GRM1: variants seen among roughly 807,000 people sequenced by gnomAD.
The protein encoded by GRM1 is glutamate metabotropic receptor 1.
In GRM1, 33 loss-of-function variants were observed where a neutral mutation model predicts 90.9. That is an observed-to-expected ratio of 0.36 (90% confidence interval 0.28 to 0.49). The LOEUF (loss-of-function observed/expected upper bound fraction) is 0.49, where lower values mean the gene tolerates loss of function less well. Ranked by LOEUF, GRM1 falls within the 20% of genes least tolerant of loss-of-function variation. The pLI is 0.99. For missense variants in GRM1, 1,190 were observed against 1,534.3 expected (o/e 0.78, Z 3.75); for synonymous variants, 700 against 613.2 (o/e 1.14, Z -2.09).
intron 2 of GRM1, 42 bp downstream of exon 2, chr6:146,159,639 TC>T (rs1777643575): frequency 7.1e-6 from 8 of 1,126,872 alleles, no homozygotes; most frequent in Non-Finnish European, 1.0e-5. Flanking sequence ...TCTCTCTCTC[TC>T]TCACACACAC....
intron 3 of GRM1, among the ~76,000 whole-genome samples, chr6:146,307,625 T>C (rs2114933133): frequency 6.6e-6 from 1 of 152,312 alleles, no homozygotes; most frequent in East Asian, 1.9e-4. Context: ...CTAACAAATA[T>C]GCAGACACAT....
chr6:146,398,619 T>C (rs1489451966), intron 6 of GRM1, 150 bp from the exon 7 acceptor site: 1 of 705,884 alleles, frequency 1.4e-6, no homozygotes, highest in African/African-American at 1.7e-5. Context: ...TGTATCTTTA[T>C]TTGTGTAATA....
At chr6:146,073,945 T>G (rs892213854) in intron 1 of GRM1, among the ~76,000 whole-genome samples, 3 of 152,098 alleles carry the variant, frequency 2.0e-5, no homozygotes, top group African/African-American at 7.2e-5. Context: ...TATTTAGAAA[T>G]ATTGATCCTA....
chr6:146,409,868 G>C (rs1777495674), intron 7 of GRM1, among the ~76,000 whole-genome samples: 1 of 152,132 alleles, frequency 6.6e-6, no homozygotes, highest in Admixed American at 6.6e-5. Context: ...AAATTAGGCT[G>C]AGCCCCTAGG....
chr6:146,415,110 C>T (rs1029933338), intron 7 of GRM1, among the ~76,000 whole-genome samples: 2 of 152,140 alleles, frequency 1.3e-5, no homozygotes, highest in African/African-American at 4.8e-5. Flanking sequence ...TTATTTTTTA[C>T]AGTTCTGGAA....
intron 1 of GRM1, among the ~76,000 whole-genome samples, chr6:146,154,562 T>C (rs1583080601): frequency 6.6e-6 from 1 of 152,214 alleles, no homozygotes; most frequent in East Asian, 1.9e-4. Flanking sequence ...AAGAGAAAAA[T>C]GCATTAATTT....
intron 1 of GRM1, among the ~76,000 whole-genome samples, chr6:146,147,257 AG>A (rs1777147217): frequency 6.6e-6 from 1 of 152,220 alleles, no homozygotes; most frequent in South Asian, 2.1e-4. Context: ...AACGTGTTGT[AG>A]GTAAATAATT....
intron 2 of GRM1, among the ~76,000 whole-genome samples, chr6:146,242,826 A>G (rs112932664): frequency 3.9e-5 from 6 of 152,118 alleles, no homozygotes; most frequent in African/African-American, 1.2e-4. Flanking sequence ...TTTACAGCAC[A>G]CCAGACATGA....
At chr6:146,195,583 A>G (rs1779088009) in intron 2 of GRM1, among the ~76,000 whole-genome samples, 1 of 152,312 alleles carries the variant, frequency 6.6e-6, no homozygotes, top group South Asian at 2.1e-4. Flanking sequence ...GGAGATACCC[A>G]TACCAGGGGA....
chr6:146,322,849 T>C (rs1469792195), intron 3 of GRM1, among the ~76,000 whole-genome samples: 1 of 151,474 alleles, frequency 6.6e-6, no homozygotes, highest in African/African-American at 2.4e-5. Flanking sequence ...TGAGAACATG[T>C]GGTGTTTGTT....
chr6:146,431,999 C>T (rs2114691749), intron 7 of GRM1, among the ~76,000 whole-genome samples: 1 of 152,300 alleles, frequency 6.6e-6, no homozygotes, highest in Non-Finnish European at 1.5e-5. Flanking sequence ...GGTTGACTAC[C>T]TGTTCTTGCC....
intron 2 of GRM1, among the ~76,000 whole-genome samples, chr6:146,261,120 G>T (rs912064247): frequency 2.6e-5 from 4 of 152,046 alleles, no homozygotes; most frequent in African/African-American, 9.7e-5. Flanking sequence ...TACTGTGAGT[G>T]AGGAGTCAGC....
At chr6:146,272,779 T>C (rs6570753) in intron 2 of GRM1, among the ~76,000 whole-genome samples, 34,446 of 152,036 alleles carry the variant, frequency 0.23, 8,151 homozygotes, top group African/African-American at 0.6. Context: ...TAATCCTGTT[T>C]GGGAAATCAG....
At chr6:146,350,108 C>T (rs1785345656) in intron 3 of GRM1, among the ~76,000 whole-genome samples, 1 of 152,202 alleles carries the variant, frequency 6.6e-6, no homozygotes, top group South Asian at 2.1e-4. Context: ...AGACTGATCT[C>T]ACAGATATCC....
intron 2 of GRM1, among the ~76,000 whole-genome samples, chr6:146,276,572 T>A (rs556079930): frequency 2.1e-4 from 32 of 152,234 alleles, no homozygotes; most frequent in African/African-American, 7.7e-4. Context: ...TTTTAAATTA[T>A]AATATGTAGA....
intron 2 of GRM1, among the ~76,000 whole-genome samples, chr6:146,268,102 G>A (rs1298647333): frequency 2.0e-5 from 3 of 152,064 alleles, no homozygotes; most frequent in African/African-American, 4.8e-5. Flanking sequence ...GACCACTTCT[G>A]CTAACCACTT....
chr6:146,161,453 C>G (rs1777722980), intron 2 of GRM1, among the ~76,000 whole-genome samples: 1 of 152,294 alleles, frequency 6.6e-6, no homozygotes, highest in Admixed American at 6.5e-5. Flanking sequence ...CAATTGAACT[C>G]ATACAAGTAT....
At chr6:146,234,447 T>C (rs1255597288) in intron 2 of GRM1, among the ~76,000 whole-genome samples, 1 of 152,070 alleles carries the variant, frequency 6.6e-6, no homozygotes, top group South Asian at 2.1e-4. Flanking sequence ...GATTCATTTG[T>C]CTTTATGATT....
intron 1 of GRM1, among the ~76,000 whole-genome samples, chr6:146,112,526 C>T (rs1170779716): frequency 6.6e-6 from 1 of 152,154 alleles, no homozygotes; most frequent in East Asian, 1.9e-4. Flanking sequence ...TTCTTTTTCT[C>T]TCTGACAGAA....
Sources: allele counts gnomAD v4.1 joint callset (sites outside exome capture counted in the v4.1 genomes callset), GRCh38; gene constraint gnomAD v4.1.1; transcripts MANE v1.5; gene names NCBI Gene and HGNC (gene_info 2026-07-23, HGNC 2026-07-21).